The following RFX4 variants were observed in gnomAD, a reference collection of about 807,000 sequenced individuals.
RFX4 encodes transcription factor RFX4.
In RFX4, 10 loss-of-function variants were observed where a neutral mutation model predicts 95.0. The observed-to-expected ratio is 0.11, with a 90% CI of 0.06 to 0.18. The LOEUF is 0.18. Among genes scored for constraint, RFX4 ranks in the 10% least tolerant of loss-of-function variants. The pLI is 1.00. For missense variants in RFX4, 640 were observed against 922.0 expected, an observed-to-expected ratio of 0.69 and a Z score of 3.96; for synonymous variants, 321 against 340.7, an observed-to-expected ratio of 0.94 and a Z score of 0.64.
At chr12:106,605,964 A>C (rs1360401807) in intron 1 of RFX4, among the ~76,000 whole-genome samples, 1 of 152,070 alleles carries the variant, frequency 6.6e-6, no homozygotes, top group East Asian at 1.9e-4. Flanking sequence ...ATCTCTCTCC[A>C]GTGTGGGATT....
chr12:106,601,241 G>C lies in RFX4; in HGVS notation c.44-7556G>C, dbSNP rs537402317. ...TGTGTGTCGCCACTGCCACCGGCAG[G>C]GAGCCAGGAGAGAGACAGAAAGGGG... On this transcript the variant is annotated intron_variant, in intron 1 of 17. Coordinates refer to ENST00000392842, the MANE Select transcript of RFX4 (RefSeq NM_213594.3). The C allele has an allele frequency of 7.0e-6, 11 of 1,560,542 alleles. No homozygotes were observed. The African/African-American group carries it at 1.5e-4, about 21-fold the overall frequency.
chr12:106,683,929 T>C (rs1049486662), intron 5 of RFX4, among the ~76,000 whole-genome samples: 1 of 152,206 alleles, frequency 6.6e-6, no homozygotes, highest in Non-Finnish European at 1.5e-5. Context: ...GTATAATCAA[T>C]TTTATTGTAT....
intron 8 of RFX4, among the ~76,000 whole-genome samples, chr12:106,705,875 T>G (rs1425410932): frequency 4.6e-5 from 7 of 152,216 alleles, no homozygotes; most frequent in Non-Finnish European, 1.5e-5. Context: ...CTATGCTAGG[T>G]ACTGAGGATA....
intron 17 of RFX4, among the ~76,000 whole-genome samples, chr12:106,755,250 C>T (rs1022892965): frequency 1.3e-5 from 2 of 152,156 alleles, no homozygotes; most frequent in East Asian, 1.9e-4. Context: ...GCACATGCCA[C>T]CAAGCCCAGC....
chr12:106,699,788 AC>A (rs2041950362), intron 8 of RFX4, among the ~76,000 whole-genome samples: 1 of 152,052 alleles, frequency 6.6e-6, no homozygotes, highest in African/African-American at 2.4e-5. Context: ...ATTTCTTGTA[AC>A]CAACATAGAA....
chr12:106,703,459 A>G (rs1477888050), intron 8 of RFX4, among the ~76,000 whole-genome samples: 1 of 152,200 alleles, frequency 6.6e-6, no homozygotes, highest in East Asian at 1.9e-4. Context: ...GTATATGTCT[A>G]TATTATATAC....
chr12:106,740,963 G>A (rs1444407011), intron 15 of RFX4, among the ~76,000 whole-genome samples: 1 of 152,150 alleles, frequency 6.6e-6, no homozygotes, highest in African/African-American at 2.4e-5. Context: ...TTGGCATAGT[G>A]GGAACTGACA....
chr12:106,711,595 G>C, intron 10 of RFX4, 84 bp downstream of exon 10: 1 of 1,124,118 alleles, frequency 8.9e-7, no homozygotes, highest in Admixed American at 1.7e-5. Flanking sequence ...CCTCCTGCAG[G>C]ATCTTTCAGG....
chr12:106,751,211 T>G (rs1184414156), intron 17 of RFX4, among the ~76,000 whole-genome samples: 5 of 151,674 alleles, frequency 3.3e-5, no homozygotes, highest in African/African-American at 7.3e-5. Flanking sequence ...CTTGCGATAA[T>G]TTACTGAGAA....
At chr12:106,734,247 C>T (rs147216609) in intron 15 of RFX4, among the ~76,000 whole-genome samples, 5 of 152,188 alleles carry the variant, frequency 3.3e-5, no homozygotes, top group Admixed American at 2.6e-4. Context: ...AGATGGATGG[C>T]GGTGATGGTT....
At chr12:106,715,566 T>G (rs1191922698) in intron 11 of RFX4, 22 bp downstream of exon 11, 1 of 1,607,906 alleles carries the variant, frequency 6.2e-7, no homozygotes, top group Non-Finnish European at 8.5e-7. Flanking sequence ...CACCAGGGAT[T>G]GTTGTCCTGT....
chr12:106,586,019 G>A lies in RFX4; in HGVS notation c.43+2656G>A, dbSNP rs1465024879. 2 of 152,246 alleles carry A rather than the reference G, an allele frequency of 1.3e-5. No homozygotes were observed. The highest frequency in any genetic ancestry group is 2.9e-5 in the Non-Finnish European group (2 of 68,072). The allele number at this position is 152,246 out of a possible 1,614,324, so 9.4% of individuals were successfully genotyped here. ...TTTCCCCAAAATACTCAACAAGTGT[G>A]GAGCTAAGACAATGGCCCGGTCGGG... On this transcript the variant is annotated intron_variant, in intron 1 of 17. Coordinates refer to ENST00000392842, the MANE Select transcript of RFX4 (RefSeq NM_213594.3). The surrounding 1 kb of genome is among the most constrained non-coding windows in gnomAD (Gnocchi z 5.6).
Position 106,720,083 on chromosome 12 carries a change from C to T in RFX4, c.1233+29C>T. On this transcript the variant is annotated intron_variant, in intron 12 of 17. Transcript: ENST00000392842. The surrounding 1 kb of genome is among the most constrained non-coding windows in gnomAD (Gnocchi z 4.2). ...GGTAAACCGGCACCTAGCGGGCAGCCTTGGGCCCTGCAGCCCACCACTGCC... is the reference window on the plus strand; with the variant it reads ...GGTAAACCGGCACCTAGCGGGCAGCTTTGGGCCCTGCAGCCCACCACTGCC... The T allele has an allele frequency of 1.3e-6, 2 of 1,588,468 alleles. No homozygotes were observed. The highest frequency in any genetic ancestry group is 1.7e-6 in the Non-Finnish European group (2 of 1,157,124).
At chr12:106,672,709 A>G (rs1344332497) in intron 4 of RFX4, among the ~76,000 whole-genome samples, 1 of 148,084 alleles carries the variant, frequency 6.8e-6, no homozygotes, top group Non-Finnish European at 1.5e-5. Context: ...CCAGTTGATT[A>G]TTTGGTGAAA....
chr12:106,760,858 A>G (rs1332678542), intron 17 of RFX4, among the ~76,000 whole-genome samples: 1 of 152,010 alleles, frequency 6.6e-6, no homozygotes, highest in African/African-American at 2.4e-5. Flanking sequence ...TTACTAGTGT[A>G]TGTGTGTGTG....
chr12:106,659,697 T>C (rs756809483), intron 4 of RFX4, among the ~76,000 whole-genome samples: 2 of 152,218 alleles, frequency 1.3e-5, no homozygotes, highest in Non-Finnish European at 2.9e-5. Context: ...TCCCATTCCA[T>C]GGATGGCAAA....
chr12:106,750,980 C>G (rs2042992314), intron 17 of RFX4, among the ~76,000 whole-genome samples, 187 bp downstream of exon 17: 1 of 151,774 alleles, frequency 6.6e-6, no homozygotes, highest in Non-Finnish European at 1.5e-5. Flanking sequence ...TACATGTGCA[C>G]ATTGTGCAGG....
rs117065037 is a variant in RFX4 at position 106,639,752 on chromosome 12, C to T, written c.191+360C>T. Among the ~76,000 whole-genome samples the T allele has an allele frequency of 7.5e-3, 1,135 of 152,252 alleles. 4 individuals are homozygous for T. The highest frequency in any genetic ancestry group is 0.012 in the Non-Finnish European group (845 of 68,020). On this transcript the variant is annotated intron_variant, in intron 3 of 17. Transcript: ENST00000392842. The stretch of plus-strand genomic sequence containing the variant: ...TGAACCCTTAATTCATAATGAATTA[C>T]AATTGTATATAATTATTTTAACATT...
chr12:106,755,786 G>A (rs1396301264), intron 17 of RFX4, among the ~76,000 whole-genome samples: 2 of 152,160 alleles, frequency 1.3e-5, no homozygotes, highest in Non-Finnish European at 2.9e-5. Flanking sequence ...AGACTCACCA[G>A]GGAAAAGGAC....
Sources: gnomAD v4.1 joint callset for allele counts (sites outside exome capture counted in the v4.1 genomes callset) on GRCh38, gnomAD v4.1.1 for gene constraint, Gnocchi (gnomAD v3.1) non-coding constraint, MANE v1.5 for transcripts, NCBI Gene and HGNC (gene_info 2026-07-23, HGNC 2026-07-21) for gene names.